Variants in NELL1 observed in about 807,000 individuals in gnomAD.
NELL1 encodes the protein neural EGFL like 1, also known as protein kinase C-binding protein NELL1.
NELL1 carries 76 observed loss-of-function variants against 107.4 expected under a neutral mutation model. The observed-to-expected ratio is 0.71, with a 90% CI of 0.59 to 0.86. The LOEUF (loss-of-function observed/expected upper bound fraction) is 0.86. Ranked by LOEUF, NELL1 falls within the 40% of genes least tolerant of loss-of-function variation. The pLI, the probability that NELL1 is intolerant of heterozygous loss-of-function variation, is 0.00. For synonymous variants in NELL1, 353 were observed against 341.2 expected, an observed-to-expected ratio of 1.03 and a Z score of -0.38; for missense variants, 1,024 against 1,005.5, an observed-to-expected ratio of 1.02 and a Z score of -0.25.
chr11:21,039,530 A>G (rs999380081), intron 12 of NELL1, among the ~76,000 whole-genome samples: 4 of 152,154 alleles, frequency 2.6e-5, no homozygotes, highest in Non-Finnish European at 5.9e-5. Flanking sequence ...GTCACAGAAA[A>G]GTTTTATATA....
rs553226734 is a variant in NELL1 at position 21,274,165 on chromosome 11, G to A, written c.1549+44711G>A. The stretch of plus-strand genomic sequence containing the variant: ...GCTGTATTCAGGAAACCCATCTCAC[G>A]TGCAGAGACACACATAGGCTCAAAA... On this transcript the variant is annotated intron_variant, in intron 14 of 19. Coordinates refer to ENST00000357134, the MANE Select transcript of NELL1 (RefSeq NM_006157.5). Among the ~76,000 whole-genome samples, 79 of 152,206 alleles carry A rather than the reference G, an allele frequency of 5.2e-4. No individual in the cohort carries two copies. The South Asian group carries it at 8.1e-3, about 16-fold the overall frequency.
At chr11:21,184,327 G>A (rs1856888847) in intron 13 of NELL1, among the ~76,000 whole-genome samples, 1 of 151,712 alleles carries the variant, frequency 6.6e-6, no homozygotes, top group Non-Finnish European at 1.5e-5. Flanking sequence ...GGAGTGCAGT[G>A]GCACCATCTC....
intron 15 of NELL1, among the ~76,000 whole-genome samples, chr11:21,377,649 A>G (rs1851511715): frequency 1.3e-5 from 2 of 151,938 alleles, no homozygotes; most frequent in African/African-American, 2.4e-5. Context: ...GTAGAATTTG[A>G]CTGTGAATCC....
intron 3 of NELL1, among the ~76,000 whole-genome samples, chr11:20,814,188 G>T (rs1004647250): frequency 6.6e-6 from 1 of 152,014 alleles, no homozygotes; most frequent in Non-Finnish European, 1.5e-5. Flanking sequence ...TAGAGATGGG[G>T]TTTCACCGTG....
intron 13 of NELL1, among the ~76,000 whole-genome samples, chr11:21,207,097 A>G (rs1857405631): frequency 6.6e-6 from 1 of 152,222 alleles, no homozygotes; most frequent in African/African-American, 2.4e-5. Context: ...ACCTTGAAAC[A>G]TTGGACCACA....
intron 14 of NELL1, among the ~76,000 whole-genome samples, chr11:21,364,785 A>C (rs1851178134): frequency 6.6e-6 from 1 of 152,194 alleles, no homozygotes; most frequent in Non-Finnish European, 1.5e-5. Context: ...ATTGTGCCTT[A>C]AGGTAACCAA....
At chr11:21,433,343 G>T (rs530308661) in intron 15 of NELL1, among the ~76,000 whole-genome samples, 9 of 152,282 alleles carry the variant, frequency 5.9e-5, no homozygotes, top group Admixed American at 4.6e-4. Context: ...TAAACATGGG[G>T]TTGTTGGTAT....
At chr11:20,889,030 C>T (rs1349867841) in intron 5 of NELL1, among the ~76,000 whole-genome samples, 1 of 152,222 alleles carries the variant, frequency 6.6e-6, no homozygotes, top group Non-Finnish European at 1.5e-5. Flanking sequence ...ATATGGCCAA[C>T]TCCAGAGTCA....
At chr11:21,091,727 G>T (rs1374260994) in intron 12 of NELL1, among the ~76,000 whole-genome samples, 1 of 152,054 alleles carries the variant, frequency 6.6e-6, no homozygotes, top group East Asian at 1.9e-4. Flanking sequence ...TGTGCTGAGG[G>T]TTAAAGATAC....
intron 14 of NELL1, among the ~76,000 whole-genome samples, chr11:21,231,721 A>G (rs1344591338): frequency 6.6e-6 from 1 of 152,196 alleles, no homozygotes; most frequent in Non-Finnish European, 1.5e-5. Context: ...AAAAAATATG[A>G]GTTTAAATAA....
intron 3 of NELL1, among the ~76,000 whole-genome samples, chr11:20,805,711 C>G (rs1002308682): frequency 3.3e-5 from 5 of 152,096 alleles, no homozygotes; most frequent in African/African-American, 4.8e-5. Flanking sequence ...ACCGTGTTAG[C>G]CAGGATGGTC....
intron 2 of NELL1, among the ~76,000 whole-genome samples, chr11:20,750,405 C>T (rs1856106083): frequency 6.6e-6 from 1 of 151,884 alleles, no homozygotes. Flanking sequence ...TTCTCATGAA[C>T]AGAAATGTTA....
chr11:20,841,802 T>C (rs1848627824), intron 3 of NELL1, among the ~76,000 whole-genome samples: 1 of 152,094 alleles, frequency 6.6e-6, no homozygotes, highest in African/African-American at 2.4e-5. Flanking sequence ...GCGGATCAGA[T>C]ATAATTAGTT....
In NELL1 at chr11:21,232,159, AATAT is replaced by A. The variant is rs1199817546; in HGVS notation, c.1549+2721_1549+2724del. Among the ~76,000 whole-genome samples the A allele has an allele frequency of 5.3e-4, 39 of 73,194 alleles. 1 individual carries two copies. Among genetic ancestry groups the A allele is most frequent in the Admixed American group, 1.8e-3 (12 of 6,646 alleles). 48.0% of individuals were successfully genotyped at this position (73,194 alleles called of 152,430 possible). ...TACTAAAAAAAAATAAAAAAAAAAA[AATAT>A]ATATATATATATATAAATTAGCTGG... On this transcript the variant is annotated intron_variant, in intron 14 of 19. Coordinates refer to ENST00000357134, the MANE Select transcript of NELL1 (RefSeq NM_006157.5).
At chr11:21,367,890 G>A (rs539273089) in intron 14 of NELL1, among the ~76,000 whole-genome samples, 1 of 152,124 alleles carries the variant, frequency 6.6e-6, no homozygotes, top group Admixed American at 6.6e-5. Flanking sequence ...TCCTTGTTTT[G>A]CTTCTGCCAT....
chr11:21,206,362 G>GC (rs1857389962), intron 13 of NELL1, among the ~76,000 whole-genome samples: 1 of 152,078 alleles, frequency 6.6e-6, no homozygotes, highest in Non-Finnish European at 1.5e-5. Context: ...TGGATTTAGG[G>GC]CCCATACTAA....
At chr11:20,831,517 A>G (rs996597708) in intron 3 of NELL1, among the ~76,000 whole-genome samples, 2 of 152,228 alleles carry the variant, frequency 1.3e-5, no homozygotes, top group Non-Finnish European at 2.9e-5. Flanking sequence ...GATGAAGAAC[A>G]TAACAGGAAT....
At position 20,958,072 on chromosome 11, in the gene NELL1, ATACATTTATACC is replaced by A. The variant is rs548547313; in HGVS notation, c.1172-2354_1172-2343del. Among the ~76,000 whole-genome samples, 413 of 152,308 alleles carry A rather than the reference ATACATTTATACC, an allele frequency of 2.7e-3. 4 individuals are homozygous for A. Among genetic ancestry groups the A allele is most frequent in the African/African-American group, 9.5e-3 (393 of 41,568 alleles). On this transcript the variant is annotated intron_variant, in intron 11 of 19. Coordinates refer to ENST00000357134, the MANE Select transcript of NELL1 (RefSeq NM_006157.5). Reference sequence around the variant, plus strand: ...GAATCTCCCCAAATCCTAAATAAAAATACATTTATACCTACATATCTTAGATTAAAACTGAAA... The same window carrying A: ...GAATCTCCCCAAATCCTAAATAAAAATACATATCTTAGATTAAAACTGAAA...
intron 2 of NELL1, among the ~76,000 whole-genome samples, chr11:20,772,351 T>C (rs970464310): frequency 4.6e-5 from 7 of 152,278 alleles, no homozygotes; most frequent in Admixed American, 3.3e-4. Context: ...AGCTACAAAG[T>C]TGGAGTCAGA....
Sources: allele counts gnomAD v4.1 joint callset (sites outside exome capture counted in the v4.1 genomes callset), GRCh38; gene constraint gnomAD v4.1.1; transcripts MANE v1.5; gene names NCBI Gene and HGNC (gene_info 2026-07-23, HGNC 2026-07-21).